ANP32E: variants seen among roughly 807,000 people sequenced by gnomAD.
ANP32E encodes acidic nuclear phosphoprotein 32 family member E.
In ANP32E, 14 loss-of-function variants were observed where a neutral mutation model predicts 35.3. The ratio of observed to expected loss-of-function variants is 0.40; its 90% CI spans 0.26 to 0.62. The LOEUF (loss-of-function observed/expected upper bound fraction) is 0.62. Ranked by LOEUF, ANP32E falls within the 20% of genes least tolerant of loss-of-function variation. The pLI, the probability that ANP32E is intolerant of heterozygous loss-of-function variation, is 0.45. For synonymous variants in ANP32E, 89 were observed against 110.4 expected (o/e 0.81, Z 1.22); for missense variants, 198 against 304.4 (o/e 0.65, Z 2.60).
At chr1:150,233,264 CA>C (rs60732970) in intron 1 of ANP32E, among the ~76,000 whole-genome samples, 2,524 of 86,320 alleles carry the variant, frequency 0.029, 41 homozygotes, top group African/African-American at 0.089. Context: ...GACTCTATCT[CA>C]AAAAAAAAAA....
rs782221708 is a variant in ANP32E at position 150,220,746 on chromosome 1, C to G, written c.752G>C (p.Arg251Pro). 3.1e-6 allele frequency: 5 copies of G among 1,613,784 alleles called. 1 individual carries two copies. Among genetic ancestry groups the G allele is most frequent in the South Asian group, 2.2e-5 (2 of 91,074 alleles). ...EEEEEEEGGL[R>P]GEKRKRDAED... Reference sequence around the variant, plus strand: ...AGCATCTCGTTTCCTCTTCTCCCCTCGAAGACCTCCTTCTTCTTAAAGAGT... The same window carrying G: ...AGCATCTCGTTTCCTCTTCTCCCCTGGAAGACCTCCTTCTTCTTAAAGAGT... Residue 251 changes from arginine (R) to proline (P), a missense_variant, in exon 7 of 7, where the codon CGA becomes CCA. Transcript: ENST00000583931.
Position 150,226,733 on chromosome 1 carries a change from C to T in ANP32E, c.556G>A (p.Glu186Lys). ...TCCTCTTCCTCTTCCTCCTCCTCTT[C>T]CTCATATCCTTCCGGTGGACCAGCT... ...NEAGPPEGYE[E>K]EEEEEEEEDE... Residue 186 changes from glutamate to lysine, a missense_variant, in exon 5 of 7, where the codon GAA becomes AAA. Physicochemically the swap from Glu to Lys is moderately conservative, Grantham distance 56. Coordinates refer to ENST00000583931, the MANE Select transcript of ANP32E (RefSeq NM_030920.5). 1 of 1,588,014 alleles carries T rather than the reference C, an allele frequency of 6.3e-7. No individual in the cohort carries two copies. The highest frequency in any genetic ancestry group is 8.6e-7 in the Non-Finnish European group (1 of 1,157,218).
chr1:150,226,825 T>G, intron 4 of ANP32E, 30 bp from the exon 5 acceptor site: 1 of 1,582,246 alleles, frequency 6.3e-7, no homozygotes, highest in Middle Eastern at 1.7e-4. Context: ...GATGAGTAAA[T>G]GACTGGGTAA....
chr1:150,234,945 G>A (rs1649656504), intron 1 of ANP32E, among the ~76,000 whole-genome samples: 1 of 152,206 alleles, frequency 6.6e-6, no homozygotes, highest in Admixed American at 6.5e-5. Context: ...AAACTACTAC[G>A]TCCCTTATGT....
At chr1:150,226,339 C>A (rs1257928570) in intron 5 of ANP32E, among the ~76,000 whole-genome samples, 1 of 152,134 alleles carries the variant, frequency 6.6e-6, no homozygotes, top group Non-Finnish European at 1.5e-5. Context: ...AATTGAGGTT[C>A]ACAGACATTT....
At chr1:150,220,861 A>G (rs587735816) in intron 6 of ANP32E, 100 bp from the exon 7 acceptor site, 2 of 966,132 alleles carry the variant, frequency 2.1e-6, no homozygotes, top group Admixed American at 1.8e-5. Flanking sequence ...AAGGCCTAGC[A>G]CGGTGGCTCA....
chr1:150,221,604 G>GGGAGGGAGGGAAGGAAGGAAGGAAGGAA lies in ANP32E; in HGVS notation c.737-844_737-843insTTCCTTCCTTCCTTCCTTCCCTCCCTCC, dbSNP rs1553838033. On this transcript the variant is annotated intron_variant, in intron 6 of 6. Coordinates refer to ENST00000583931, the MANE Select transcript of ANP32E (RefSeq NM_030920.5). ...AGGAAGGGAGGGAGGGAGGGAGGGA[G>GGGAGGGAGGGAAGGAAGGAAGGAAGGAA]GGAAGGAAGGAAGGAAGGAAGGAAA... is the stretch of plus-strand genomic sequence containing the variant. 8.1e-4 allele frequency among the ~76,000 whole-genome samples: 30 copies of GGGAGGGAGGGAAGGAAGGAAGGAAGGAA among 36,894 alleles called. 2 individuals are homozygous for GGGAGGGAGGGAAGGAAGGAAGGAAGGAA. Among genetic ancestry groups the GGGAGGGAGGGAAGGAAGGAAGGAAGGAA allele is most frequent in the African/African-American group, 4.8e-3 (27 of 5,682 alleles). 24.2% of individuals were successfully genotyped at this position (36,894 alleles called of 152,430 possible). A position where few individuals can be genotyped will look rare whatever the true frequency, so the allele number is the denominator to read the frequency against.
chr1:150,219,021 G>A lies in ANP32E; in HGVS notation c.*1670C>T, dbSNP rs913390021. 4.6e-5 allele frequency: 7 copies of A among 151,972 alleles called. No individual in the cohort carries two copies. The highest frequency in any genetic ancestry group is 4.1e-4 in the South Asian group (2 of 4,832). The allele number at this position is 151,972 out of a possible 1,614,324, so 9.4% of individuals were successfully genotyped here. ...AACTTATCCCCAAGGGTTTTCTTTCGGTCAGTTGTACAACATTTTTAGTTT... is the reference window on the plus strand; with the variant it reads ...AACTTATCCCCAAGGGTTTTCTTTCAGTCAGTTGTACAACATTTTTAGTTT... On this transcript the variant is annotated 3_prime_UTR_variant, in exon 7 of 7. Transcript: ENST00000583931.
intron 5 of ANP32E, among the ~76,000 whole-genome samples, chr1:150,225,960 A>G (rs1229956456): frequency 6.6e-6 from 1 of 151,718 alleles, no homozygotes; most frequent in Non-Finnish European, 1.5e-5. Context: ...TATTCTTTAC[A>G]TAGATTACCT....
intron 4 of ANP32E, among the ~76,000 whole-genome samples, chr1:150,227,294 C>T (rs1223669730): frequency 6.6e-6 from 1 of 152,188 alleles, no homozygotes; most frequent in Non-Finnish European, 1.5e-5. Context: ...GACACATGCA[C>T]TTGTATGTTC....
chr1:150,226,399 A>C (rs1648878272), intron 5 of ANP32E, among the ~76,000 whole-genome samples: 1 of 152,138 alleles, frequency 6.6e-6, no homozygotes, highest in Non-Finnish European at 1.5e-5. Flanking sequence ...CAGATTTGAA[A>C]GTTATCTGGG....
rs587742318 is a variant in ANP32E, at chr1:150,229,100, C to T, written c.465G>A (p.Ala155=). 1.2e-6 allele frequency: 2 copies of T among 1,613,122 alleles called. No individual in the cohort carries two copies. Among genetic ancestry groups the T allele is most frequent in the Non-Finnish European group, 1.7e-6 (2 of 1,179,808 alleles). ...CATCATCCTCCTCTTCAGAGTCCGGCGCTTCATTATCCTCCTGATCAAATC... is the reference window on the plus strand; with the variant it reads ...CATCATCCTCCTCTTCAGAGTCCGGTGCTTCATTATCCTCCTGATCAAATC... The part of the protein sequence containing the change: ...LDGFDQEDNE[A]PDSEEEDDED... The change falls in exon 4 of 7, where the codon GCG becomes GCA. Residue 155 remains alanine, a synonymous_variant. Coordinates refer to ENST00000583931, the MANE Select transcript of ANP32E (RefSeq NM_030920.5).
At chr1:150,223,142 T>C (rs1190184516) in intron 6 of ANP32E, 44 bp downstream of exon 6, 36 of 1,473,214 alleles carry the variant, frequency 2.4e-5, no homozygotes, top group Non-Finnish European at 3.3e-5. Context: ...AAAAAATGAC[T>C]ATGTCTTTAA....
In ANP32E at chr1:150,226,649, C is replaced by T; in HGVS notation, c.640G>A (p.Glu214Lys). ...EAGSELGEGE[E>K]EVGLSYLMKE... ...ATTAAGTATGAGAGGCCCACTTCCT[C>T]TTCTCCCTCTCCCAACTCTGAACCT... is the stretch of plus-strand genomic sequence containing the variant. The change falls in exon 5 of 7, where the codon GAG (glutamate) becomes AAG (lysine). Residue 214 changes from glutamate to lysine, a missense_variant. Coordinates refer to ENST00000583931, the MANE Select transcript of ANP32E (RefSeq NM_030920.5). The T allele has an allele frequency of 6.2e-7, 1 of 1,613,622 alleles. No individual in the cohort carries two copies. Among genetic ancestry groups the T allele is most frequent in the South Asian group, 1.1e-5 (1 of 91,018 alleles).
At chr1:150,230,929 G>T (rs1553841562) in intron 2 of ANP32E, among the ~76,000 whole-genome samples, 1 of 152,102 alleles carries the variant, frequency 6.6e-6, no homozygotes, top group Non-Finnish European at 1.5e-5. Context: ...TTTTGGTACA[G>T]ATGGGGTTTC....
rs1560008284 is a variant in ANP32E at position 150,235,231 on chromosome 1, C to G, written c.54+502G>C. ...GCGCGGACCCTGCAAGCGACCCCAG[C>G]CCGCGCCCGTCGCGACGTCGGACGC... On this transcript the variant is annotated intron_variant, in intron 1 of 6. Transcript: ENST00000583931. This position sits in a 1 kb window ranked among gnomAD's most constrained non-coding sequence, Gnocchi z 4.2. Among the ~76,000 whole-genome samples the G allele has an allele frequency of 6.6e-6, 1 of 152,238 alleles. No individual in the cohort carries two copies. Among genetic ancestry groups the G allele is most frequent in the Non-Finnish European group, 1.5e-5 (1 of 68,042 alleles).
In ANP32E at chr1:150,236,062, A is replaced by C; in HGVS notation, c.-276T>G. 5.0e-6 allele frequency: 2 copies of C among 396,668 alleles called. No homozygotes were observed. Among genetic ancestry groups the C allele is most frequent in the Non-Finnish European group, 9.2e-6 (2 of 216,258 alleles). 24.6% of individuals were successfully genotyped at this position (396,668 alleles called of 1,614,324 possible). On this transcript the variant is annotated 5_prime_UTR_variant, in exon 1 of 7. It removes an upstream start codon present in the reference 5' UTR. Coordinates refer to ENST00000583931, the MANE Select transcript of ANP32E (RefSeq NM_030920.5). ...CGCGCGCACACACATACACACACACATACACACACACACCCGCAGTTCCTT... is the reference window on the plus strand; with the variant it reads ...CGCGCGCACACACATACACACACACCTACACACACACACCCGCAGTTCCTT...
At chr1:150,222,440 A>T (rs1377639701) in intron 6 of ANP32E, among the ~76,000 whole-genome samples, 1 of 36,170 alleles carries the variant, frequency 2.8e-5, no homozygotes, top group Non-Finnish European at 4.4e-5. Context: ...ATAAATAAAT[A>T]AAATAAAATA....
chr1:150,232,988 G>C (rs1419454083), intron 1 of ANP32E, among the ~76,000 whole-genome samples: 4 of 152,060 alleles, frequency 2.6e-5, no homozygotes, highest in African/African-American at 9.7e-5. Flanking sequence ...AAGAGTGCCA[G>C]GCTCGGGGGC....
Sources: allele counts gnomAD v4.1 joint callset (sites outside exome capture counted in the v4.1 genomes callset), GRCh38; gene constraint gnomAD v4.1.1; non-coding constraint Gnocchi (gnomAD v3.1); transcripts MANE v1.5; gene names NCBI Gene and HGNC (gene_info 2026-07-23, HGNC 2026-07-21).